Variants in GALNT1 observed in about 807,000 individuals in gnomAD.
GALNT1 encodes the protein GalNAc transferase 1.
GALNT1 carries 17 observed loss-of-function variants against 65.7 expected under a neutral mutation model. That is an observed-to-expected ratio of 0.26 (90% confidence interval 0.18 to 0.39). GALNT1 has a LOEUF of 0.39. Among genes scored for constraint, GALNT1 ranks in the 10% least tolerant of loss-of-function variants. The pLI, the probability that GALNT1 is intolerant of heterozygous loss-of-function variation, is 1.00. For missense variants in GALNT1, 460 were observed against 672.8 expected, an observed-to-expected ratio of 0.68 and a Z score of 3.50; for synonymous variants, 210 against 219.7, an observed-to-expected ratio of 0.96 and a Z score of 0.39.
At chr18:35,594,291 A>G (rs1461907604) in intron 1 of GALNT1, among the ~76,000 whole-genome samples, 1 of 152,178 alleles carries the variant, frequency 6.6e-6, no homozygotes, top group Non-Finnish European at 1.5e-5. Flanking sequence ...AAAAAGGAGA[A>G]AAAACTCAGA....
At chr18:35,604,087 C>T (rs764856946) in intron 1 of GALNT1, among the ~76,000 whole-genome samples, 1 of 152,070 alleles carries the variant, frequency 6.6e-6, no homozygotes, top group South Asian at 2.1e-4. Context: ...CCACCCTTCA[C>T]CCTCAACTAG....
intron 1 of GALNT1, among the ~76,000 whole-genome samples, chr18:35,624,525 A>G (rs977557828): frequency 2.0e-5 from 3 of 152,120 alleles, no homozygotes; most frequent in African/African-American, 7.2e-5. Flanking sequence ...CAATTTAGAT[A>G]TATTTAGTCA....
chr18:35,593,083 A>T lies in GALNT1; in HGVS notation c.-104+11221A>T, dbSNP rs946782650. ...GCTGTGGGCAGGGTTCCACGGGAGAAGGAGGATGCTGCATGTCTGGGACTT... is the reference window on the plus strand; with the variant it reads ...GCTGTGGGCAGGGTTCCACGGGAGATGGAGGATGCTGCATGTCTGGGACTT... On this transcript the variant is annotated intron_variant, in intron 1 of 11. Transcript: ENST00000269195. Among the ~76,000 whole-genome samples the T allele has an allele frequency of 1.2e-4, 18 of 152,276 alleles. 1 individual carries two copies. Among genetic ancestry groups the T allele is most frequent in the Middle Eastern group, 6.8e-3 (2 of 294 alleles).
At chr18:35,652,208 T>A (rs1216003547) in intron 1 of GALNT1, among the ~76,000 whole-genome samples, 1 of 152,188 alleles carries the variant, frequency 6.6e-6, no homozygotes, top group East Asian at 1.9e-4. Flanking sequence ...TGTGACCTCA[T>A]TCCCTTGCGG....
chr18:35,624,115 C>T (rs2046888429), intron 1 of GALNT1, among the ~76,000 whole-genome samples: 1 of 152,216 alleles, frequency 6.6e-6, no homozygotes, highest in Admixed American at 6.5e-5. Flanking sequence ...TTTCAGCTAT[C>T]TAAATGTTCC....
chr18:35,698,930 C>T (rs1010408764), intron 9 of GALNT1, among the ~76,000 whole-genome samples: 16 of 152,022 alleles, frequency 1.1e-4, no homozygotes, highest in Non-Finnish European at 1.6e-4. Context: ...TGCAGTGAGC[C>T]GATGTCGCAC....
At chr18:35,656,921 G>C (rs2047396746) in intron 2 of GALNT1, among the ~76,000 whole-genome samples, 1 of 152,152 alleles carries the variant, frequency 6.6e-6, no homozygotes, top group Admixed American at 6.5e-5. Context: ...TTAAGTAGTG[G>C]AGTTTACATA....
intron 1 of GALNT1, among the ~76,000 whole-genome samples, chr18:35,618,071 G>A (rs2046807681): frequency 6.8e-6 from 1 of 147,398 alleles, no homozygotes; most frequent in Non-Finnish European, 1.5e-5. Flanking sequence ...CACTTAACAT[G>A]TATAGAGAGC....
intron 1 of GALNT1, among the ~76,000 whole-genome samples, chr18:35,651,598 T>C (rs2047311911): frequency 6.6e-6 from 1 of 152,160 alleles, no homozygotes; most frequent in Admixed American, 6.5e-5. Context: ...TTTCCCCACC[T>C]GCTGATTTGT....
intron 1 of GALNT1, among the ~76,000 whole-genome samples, chr18:35,631,103 C>T (rs1568019496): frequency 6.6e-6 from 1 of 152,194 alleles, no homozygotes; most frequent in Non-Finnish European, 1.5e-5. Context: ...GGCAGATTCA[C>T]AGCCACATTC....
chr18:35,650,719 C>T (rs531609335), intron 1 of GALNT1, among the ~76,000 whole-genome samples: 3 of 152,276 alleles, frequency 2.0e-5, no homozygotes, highest in South Asian at 4.1e-4. Flanking sequence ...CTGTTCCGCC[C>T]GGCCCACAGG....
At chr18:35,679,960 C>T (rs116019817) in intron 4 of GALNT1, among the ~76,000 whole-genome samples, 1 of 152,062 alleles carries the variant, frequency 6.6e-6, no homozygotes, top group African/African-American at 2.4e-5. Flanking sequence ...ACTCTTACCC[C>T]CTCCCATCTG....
intron 1 of GALNT1, among the ~76,000 whole-genome samples, chr18:35,632,427 C>G (rs1164783060): frequency 6.6e-6 from 1 of 152,134 alleles, no homozygotes; most frequent in Non-Finnish European, 1.5e-5. Flanking sequence ...TTTGACAAAC[C>G]TGACAAAAAC....
chr18:35,656,642 A>G (rs187081978), intron 2 of GALNT1, among the ~76,000 whole-genome samples: 1 of 152,250 alleles, frequency 6.6e-6, no homozygotes, highest in Non-Finnish European at 1.5e-5. Context: ...GCCATGTCAC[A>G]CAAGGCCTTT....
At chr18:35,614,535 C>T (rs569675268) in intron 1 of GALNT1, among the ~76,000 whole-genome samples, 32 of 151,996 alleles carry the variant, frequency 2.1e-4, no homozygotes, top group South Asian at 4.1e-4. Flanking sequence ...AAAACAGCAG[C>T]GATATAAAGA....
At chr18:35,606,203 A>C (rs74697774) in intron 1 of GALNT1, among the ~76,000 whole-genome samples, 2,084 of 152,294 alleles carry the variant, frequency 0.014, 42 homozygotes, top group African/African-American at 0.046. Context: ...GTGCAGTCTC[A>C]TAAAGCTTCC....
chr18:35,668,131 A>G (rs1029473031), intron 3 of GALNT1, among the ~76,000 whole-genome samples: 2 of 152,232 alleles, frequency 1.3e-5, no homozygotes, highest in Non-Finnish European at 2.9e-5. Context: ...TGAACTAACC[A>G]TCTTAAGAAA....
At chr18:35,703,986 G>A (rs2048211248) in intron 11 of GALNT1, among the ~76,000 whole-genome samples, 2 of 152,184 alleles carry the variant, frequency 1.3e-5, no homozygotes, top group South Asian at 4.1e-4. Context: ...ACACTTCAGT[G>A]AAAGATAAGT....
intron 1 of GALNT1, among the ~76,000 whole-genome samples, chr18:35,600,201 A>G (rs1273674877): frequency 6.6e-6 from 1 of 152,038 alleles, no homozygotes; most frequent in East Asian, 1.9e-4. Flanking sequence ...TTCTTTCATC[A>G]GTGTTTTATA....
Sources: allele counts gnomAD v4.1 joint callset (sites outside exome capture counted in the v4.1 genomes callset), GRCh38; gene constraint gnomAD v4.1.1; transcripts MANE v1.5; gene names NCBI Gene and HGNC (gene_info 2026-07-23, HGNC 2026-07-21).